Variants in BCAP29 observed in about 807,000 individuals in gnomAD.
The protein encoded by BCAP29 is B-cell receptor-associated protein 29.
A neutral mutation model predicts 31.8 loss-of-function variants in BCAP29; 34 were observed. That is an observed-to-expected ratio of 1.07 (90% confidence interval 0.81 to 1.42). The LOEUF (loss-of-function observed/expected upper bound fraction) is 1.42. Among genes scored for constraint, BCAP29 ranks in the 40% most tolerant of loss-of-function variants. BCAP29 has a pLI of 0.00. For synonymous variants in BCAP29, 104 were observed against 91.3 expected (o/e 1.14, Z -0.79); for missense variants, 314 against 269.2 (o/e 1.17, Z -1.16).
intron 3 of BCAP29, among the ~76,000 whole-genome samples, chr7:107,587,050 G>A (rs1467399880): frequency 6.6e-6 from 1 of 152,112 alleles, no homozygotes; most frequent in Non-Finnish European, 1.5e-5. Context: ...TAGCTATTAA[G>A]AAGTGTTTGT....
chr7:107,592,682 A>G (rs531974021), intron 3 of BCAP29, among the ~76,000 whole-genome samples: 2 of 152,246 alleles, frequency 1.3e-5, no homozygotes, highest in African/African-American at 2.4e-5. Flanking sequence ...AAACAGCTCA[A>G]TGCCATCAAC....
downstream of BCAP29, chr7:107,620,517 A>G (rs1814860830): frequency 6.6e-6 from 1 of 152,176 alleles, no homozygotes; most frequent in Non-Finnish European, 1.5e-5. Flanking sequence ...TCCCATTGTC[A>G]ATAATGACTT....
chr7:107,598,242 A>G (rs898034619), intron 5 of BCAP29, among the ~76,000 whole-genome samples: 25 of 152,220 alleles, frequency 1.6e-4, no homozygotes, highest in African/African-American at 5.8e-4. Flanking sequence ...TCAGTGAAGT[A>G]ATAGCTGGAG....
At chr7:107,612,406 TA>T (rs1563141252) in intron 6 of BCAP29, among the ~76,000 whole-genome samples, 4 of 32,038 alleles carry the variant, frequency 1.2e-4, no homozygotes, top group Admixed American at 4.2e-4. Context: ...TATATATATA[TA>T]TATATATATA....
intron 7 of BCAP29, chr7:107,613,767 A>C (rs770344229): frequency 1.3e-6 from 2 of 1,585,620 alleles, no homozygotes; most frequent in East Asian, 4.5e-5. Context: ...TGCCATATTC[A>C]TGCCAAAATG....
At chr7:107,601,684 T>G (rs890325569) in intron 6 of BCAP29, among the ~76,000 whole-genome samples, 1 of 152,246 alleles carries the variant, frequency 6.6e-6, no homozygotes, top group African/African-American at 2.4e-5. Flanking sequence ...ACCTACCGTT[T>G]ACAACAGACA....
Position 107,612,437 on chromosome 7 carries a change from A to ATATATATATT in BCAP29, c.590-892_590-891insATATATTTAT, listed in dbSNP as rs771741951. Among the ~76,000 whole-genome samples, 238 of 112,744 alleles carry ATATATATATT rather than the reference A, an allele frequency of 2.1e-3. 1 individual carries two copies. Among genetic ancestry groups the ATATATATATT allele is most frequent in the Non-Finnish European group, 3.1e-3 (175 of 55,886 alleles). The allele number at this position is 112,744 out of a possible 152,430, so 74.0% of individuals were successfully genotyped here. A position where few individuals can be genotyped will look rare whatever the true frequency, so the allele number is the denominator to read the frequency against. ...TATATATATATATATATATATATAT[A>ATATATATATT]TATTTATTTTACTTCTATCTAAGGC... On this transcript the variant is annotated intron_variant, in intron 6 of 7. Coordinates refer to ENST00000005259, the MANE Select transcript of BCAP29 (RefSeq NM_018844.4).
At chr7:107,584,426 T>C (rs1473329388) in intron 3 of BCAP29, among the ~76,000 whole-genome samples, 3 of 152,158 alleles carry the variant, frequency 2.0e-5, no homozygotes, top group African/African-American at 7.2e-5. Context: ...AAAATAAACA[T>C]GGCCGGGCGA....
At chr7:107,580,546 C>T in intron 1 of BCAP29, 1 of 453,440 alleles carries the variant, frequency 2.2e-6, no homozygotes, top group South Asian at 3.6e-5. Flanking sequence ...GGCCAGCGAG[C>T]CGCCTCGCCA....
chr7:107,612,218 A>G (rs1813242639), intron 6 of BCAP29, among the ~76,000 whole-genome samples: 1 of 151,516 alleles, frequency 6.6e-6, no homozygotes, highest in African/African-American at 2.4e-5. Context: ...GAACTTCTGA[A>G]GGCTACATAT....
intron 3 of BCAP29, chr7:107,587,886 T>A (rs1282142701): frequency 1.3e-5 from 2 of 152,062 alleles, no homozygotes; most frequent in Non-Finnish European, 2.9e-5. Context: ...AAAACAGATA[T>A]TACTACTGCT....
Position 107,594,109 on chromosome 7 carries a change from A to C in BCAP29, c.344+4A>C. The C allele has an allele frequency of 8.2e-6, 13 of 1,594,782 alleles. No individual in the cohort carries two copies. The highest frequency in any genetic ancestry group is 1.0e-5 in the Non-Finnish European group (12 of 1,164,536). On this transcript the variant is annotated splice_donor_region_variant and intron_variant, in intron 4 of 7. Transcript: ENST00000005259. ...GATTTTCCCTATTTTTTTGGCTGTA[A>C]GTAAAAAATAATAATAGAAGCACAA...
rs1458879720 is a variant in BCAP29 at position 107,620,162 on chromosome 7, C to T, written c.*1799C>T. 2 of 152,156 alleles carry T rather than the reference C, an allele frequency of 1.3e-5. No homozygotes were observed. The highest frequency in any genetic ancestry group is 4.8e-5 in the African/African-American group (2 of 41,426). The allele number at this position is 152,156 out of a possible 1,614,324, so 9.4% of individuals were successfully genotyped here. A position where few individuals can be genotyped will look rare whatever the true frequency, so the allele number is the denominator to read the frequency against. On this transcript the variant is annotated 3_prime_UTR_variant, in exon 8 of 8. Transcript: ENST00000005259. ...CCCTCTCAAGTTTACAAGTCTGAAA[C>T]TTTAGACATCAAAAGTTTGAGCAGT...
chr7:107,608,687 A>C (rs1203080410), intron 6 of BCAP29, among the ~76,000 whole-genome samples: 2 of 152,168 alleles, frequency 1.3e-5, no homozygotes, highest in Non-Finnish European at 2.9e-5. Context: ...ATTTTCATCA[A>C]AATATTTCAA....
chr7:107,600,865 C>A (rs762182739), intron 6 of BCAP29, among the ~76,000 whole-genome samples: 18 of 152,156 alleles, frequency 1.2e-4, no homozygotes, highest in Non-Finnish European at 1.9e-4. Context: ...TGTAGGGGAA[C>A]AGTTTTCTTA....
chr7:107,582,896 A>C (rs113462507), intron 2 of BCAP29, among the ~76,000 whole-genome samples: 2,163 of 152,250 alleles, frequency 0.014, 55 homozygotes, highest in African/African-American at 0.048. Flanking sequence ...GGCTGTATAA[A>C]ATGCTTGGAC....
At chr7:107,600,610 A>G (rs371166835) in intron 6 of BCAP29, 105 bp downstream of exon 6, 6 of 613,432 alleles carry the variant, frequency 9.8e-6, no homozygotes, top group Admixed American at 3.0e-5. Context: ...ATGTTCTTCT[A>G]AGATACCGAG....
At chr7:107,597,985 A>G (rs749117113) in intron 5 of BCAP29, among the ~76,000 whole-genome samples, 1 of 152,154 alleles carries the variant, frequency 6.6e-6, no homozygotes, top group African/African-American at 2.4e-5. Context: ...GAACGCTTGC[A>G]TTGTTGTAGC....
intron 6 of BCAP29, among the ~76,000 whole-genome samples, chr7:107,602,090 T>C (rs2129261992): frequency 6.6e-6 from 1 of 152,322 alleles, no homozygotes; most frequent in South Asian, 2.1e-4. Context: ...AAGCATTGTG[T>C]TTACAATCTG....
Sources: allele counts gnomAD v4.1 joint callset (sites outside exome capture counted in the v4.1 genomes callset), GRCh38; gene constraint gnomAD v4.1.1; transcripts MANE v1.5; gene names NCBI Gene and HGNC (gene_info 2026-07-23, HGNC 2026-07-21).